Variants in FAM117A observed in about 807,000 individuals in gnomAD.
FAM117A encodes the protein family with sequence similarity 117 member A.
A neutral mutation model predicts 44.1 loss-of-function variants in FAM117A; 21 were observed. The observed-to-expected ratio is 0.48, with a 90% CI of 0.34 to 0.69. FAM117A has a LOEUF of 0.69. FAM117A is among the 30% of genes least tolerant of loss of function. The pLI is 0.01. For synonymous variants in FAM117A, 220 were observed against 238.3 expected (o/e 0.92, Z 0.71); for missense variants, 498 against 589.9 (o/e 0.84, Z 1.61).
chr17:49,757,569 C>G (rs2073703785), intron 1 of FAM117A, among the ~76,000 whole-genome samples: 1 of 152,170 alleles, frequency 6.6e-6, no homozygotes, highest in African/African-American at 2.4e-5. Flanking sequence ...CACTAGCAGC[C>G]AGCTGTTACG....
At chr17:49,762,659 C>T (rs1207652777) in intron 1 of FAM117A, among the ~76,000 whole-genome samples, 1 of 152,184 alleles carries the variant, frequency 6.6e-6, no homozygotes. Flanking sequence ...GCTCAAGAGA[C>T]TCTGGTTTAG....
Position 49,771,878 on chromosome 17 carries a change from C to CA in FAM117A, c.-621+16618dup, listed in dbSNP as rs368142610. On this transcript the variant is annotated intron_variant, in intron 1 of 7. Coordinates refer to the FAM117A transcript ENST00000513602. ...CCACTTATCTTCTTCAAGTCTGCCT[C>CA]AAAACTACAATTGTCCCTGGGGGCA... Among the ~76,000 whole-genome samples, 1,305 of 152,306 alleles carry CA rather than the reference C, an allele frequency of 8.6e-3. 16 individuals are homozygous for CA. Among genetic ancestry groups the CA allele is most frequent in the African/African-American group, 0.025 (1,036 of 41,570 alleles).
At chr17:49,768,235 G>T (rs942972499), upstream of FAM117A, among the ~76,000 whole-genome samples, 5 of 152,126 alleles carry the variant, frequency 3.3e-5, no homozygotes, top group Non-Finnish European at 7.3e-5. Context: ...GCCTTACCCT[G>T]CTGGCTACTG....
rs958904167 is a variant in FAM117A at position 49,750,255 on chromosome 17, G to C, written c.196+13637C>G. Among the ~76,000 whole-genome samples the C allele has an allele frequency of 2.2e-4, 32 of 148,726 alleles. 2 individuals are homozygous for C. Among genetic ancestry groups the C allele is most frequent in the African/African-American group, 7.8e-4 (32 of 41,276 alleles). On this transcript the variant is annotated intron_variant, in intron 1 of 7. Transcript: ENST00000240364. ...CTCAAACACGCCCACATGTCCACAC[G>C]CAAGACAGATACTCACATGCAGACA...
intron 1 of FAM117A, among the ~76,000 whole-genome samples, chr17:49,742,588 T>C (rs185842923): frequency 6.6e-6 from 1 of 152,280 alleles, no homozygotes; most frequent in Admixed American, 6.5e-5. Flanking sequence ...GATTGGAACA[T>C]ACTTTCCTTT....
rs780032318 is a variant in FAM117A, at chr17:49,719,884, G to C, written c.584C>G (p.Pro195Arg). 4.4e-6 allele frequency: 7 copies of C among 1,603,396 alleles called. No individual in the cohort carries two copies. Among genetic ancestry groups the C allele is most frequent in the Non-Finnish European group, 5.9e-6 (7 of 1,177,110 alleles). The change falls in exon 5 of 8, where the codon CCC becomes CGC. Residue 195 changes from proline (P) to arginine (R), a missense_variant. Pro to Arg is a moderately radical substitution (Grantham distance 103). Transcript: ENST00000240364. Reference protein sequence around the residue: ...AVRGALRASPPSFPSGSPVLR... With the variant: ...AVRGALRASPRSFPSGSPVLR... ...GACAGGGGACCCTGAGGGGAAGCTG[G>C]GAGGGGACGCCTGAGGAAGAGGCAA...
intron 1 of FAM117A, among the ~76,000 whole-genome samples, chr17:49,741,701 T>C (rs866362094): frequency 1.4e-4 from 21 of 152,192 alleles, no homozygotes; most frequent in Non-Finnish European, 2.1e-4. Context: ...ATTCAGAATT[T>C]CTAAACATTT....
At chr17:49,786,565 T>TAC (rs2143812516) in intron 1 of FAM117A, among the ~76,000 whole-genome samples, 1 of 149,582 alleles carries the variant, frequency 6.7e-6, no homozygotes, top group African/African-American at 2.5e-5. Flanking sequence ...TCACCTGAGG[T>TAC]CAGGAGTTCA....
At chr17:49,744,680 T>C (rs555374641) in intron 1 of FAM117A, among the ~76,000 whole-genome samples, 17 of 151,924 alleles carry the variant, frequency 1.1e-4, no homozygotes, top group Non-Finnish European at 2.2e-4. Context: ...ATGTAAATGC[T>C]ATATAAATAG....
intron 5 of FAM117A, among the ~76,000 whole-genome samples, chr17:49,719,202 G>A (rs886097326): frequency 2.0e-5 from 3 of 151,706 alleles, no homozygotes; most frequent in Admixed American, 6.6e-5. Flanking sequence ...CGGAGGTTGC[G>A]GTGAGCTGAG....
intron 1 of FAM117A, among the ~76,000 whole-genome samples, chr17:49,785,624 T>C (rs1598041007): frequency 6.6e-6 from 1 of 152,190 alleles, no homozygotes; most frequent in African/African-American, 2.4e-5. Flanking sequence ...TGGACACTAG[T>C]ACAGCTGATG....
chr17:49,732,727 G>C lies in FAM117A; in HGVS notation c.197-7C>G, dbSNP rs1230850856. The stretch of plus-strand genomic sequence containing the variant: ...ACCGAGCATGGGACGCTGGCTGCAA[G>C]AGAACACAGCCCGCACGCCTTGCCA... On this transcript the variant is annotated splice_region_variant and splice_polypyrimidine_tract_variant and intron_variant, in intron 1 of 7. Transcript: ENST00000240364. The C allele has an allele frequency of 3.7e-6, 6 of 1,611,920 alleles. No individual in the cohort carries two copies. The highest frequency in any genetic ancestry group is 5.1e-6 in the Non-Finnish European group (6 of 1,179,016).
intron 1 of FAM117A, among the ~76,000 whole-genome samples, chr17:49,775,624 G>C (rs754336208): frequency 6.6e-6 from 1 of 152,176 alleles, no homozygotes; most frequent in East Asian, 1.9e-4. Flanking sequence ...TCAATGCCTC[G>C]AGGAGTTGTG....
chr17:49,711,583 C>T (rs983095684), intron 7 of FAM117A, 28 bp from the exon 8 acceptor site: 1 of 1,599,790 alleles, frequency 6.3e-7, no homozygotes, highest in Non-Finnish European at 8.6e-7. Flanking sequence ...ACACACAAGA[C>T]ACATACGTAC....
At chr17:49,724,420 A>G (rs1268344271) in intron 2 of FAM117A, 2 of 456,166 alleles carry the variant, frequency 4.4e-6, no homozygotes, top group Non-Finnish European at 8.8e-6. Flanking sequence ...AGAGGAAAAA[A>G]CAGCCACATT....
At chr17:49,734,790 C>T (rs772272194) in intron 1 of FAM117A, among the ~76,000 whole-genome samples, 17 of 152,006 alleles carry the variant, frequency 1.1e-4, no homozygotes, top group Admixed American at 3.9e-4. Flanking sequence ...CGAGCATCCA[C>T]GAATGGAGAA....
At chr17:49,758,650 T>C (rs928853511) in intron 1 of FAM117A, among the ~76,000 whole-genome samples, 1 of 140,974 alleles carries the variant, frequency 7.1e-6, no homozygotes, top group Non-Finnish European at 1.5e-5. Context: ...AATAAATAAA[T>C]AAATAAATAA....
chr17:49,778,338 A>C (rs1312437606), intron 1 of FAM117A, among the ~76,000 whole-genome samples: 1 of 152,214 alleles, frequency 6.6e-6, no homozygotes, highest in Non-Finnish European at 1.5e-5. Context: ...GATAAATAAC[A>C]CATGGTCCCT....
chr17:49,788,858 C>T (rs2143819960), upstream of FAM117A: 1 of 1,587,438 alleles, frequency 6.3e-7, no homozygotes, highest in Non-Finnish European at 8.6e-7. Context: ...AGGTGAGAAA[C>T]GGGAGAGGAG....
Sources: allele counts gnomAD v4.1 joint callset (sites outside exome capture counted in the v4.1 genomes callset), GRCh38; gene constraint gnomAD v4.1.1; transcripts MANE v1.5; gene names NCBI Gene and HGNC (gene_info 2026-07-23, HGNC 2026-07-21).